FAT3: variants seen among roughly 807,000 people sequenced by gnomAD.
The protein encoded by FAT3 is FAT atypical cadherin 3.
In FAT3, 95 loss-of-function variants were observed where a neutral mutation model predicts 310.2. The observed-to-expected ratio is 0.31, with a 90% CI of 0.26 to 0.36. FAT3 has a LOEUF of 0.36. FAT3 is among the 10% of genes least tolerant of loss of function. FAT3 has a pLI of 1.00. For missense variants in FAT3, 5,408 were observed against 5,715.6 expected, an observed-to-expected ratio of 0.95 and a Z score of 1.74; for synonymous variants, 2,314 against 2,192.9, an observed-to-expected ratio of 1.06 and a Z score of -1.54.
At chr11:92,780,020 A>G (rs1424609221) in intron 7 of FAT3, among the ~76,000 whole-genome samples, 2 of 152,180 alleles carry the variant, frequency 1.3e-5, no homozygotes, top group Non-Finnish European at 2.9e-5. Flanking sequence ...AACAACCTGA[A>G]TGATTTTGGG....
chr11:92,275,173 G>A (rs1045444031), intron 1 of FAT3, among the ~76,000 whole-genome samples: 5 of 151,978 alleles, frequency 3.3e-5, no homozygotes, highest in African/African-American at 4.8e-5. Context: ...CTTTGTCACG[G>A]GTGCCATAAT....
chr11:92,330,743 A>T (rs533184707), intron 1 of FAT3, among the ~76,000 whole-genome samples: 1 of 152,328 alleles, frequency 6.6e-6, no homozygotes, highest in East Asian at 1.9e-4. Context: ...TTATTTGGGT[A>T]AATATTCATT....
intron 7 of FAT3, among the ~76,000 whole-genome samples, chr11:92,781,558 T>TTA (rs779184910): frequency 1.3e-5 from 2 of 152,110 alleles, no homozygotes; most frequent in Non-Finnish European, 2.9e-5. Flanking sequence ...TCCTACACAT[T>TTA]TATATATATG....
intron 1 of FAT3, among the ~76,000 whole-genome samples, chr11:92,305,741 A>G (rs1296381808): frequency 6.6e-6 from 1 of 152,142 alleles, no homozygotes; most frequent in Non-Finnish European, 1.5e-5. Flanking sequence ...AGTCTGCAAA[A>G]TTGCCAGCTA....
chr11:92,739,725 C>A (rs1159296604), intron 4 of FAT3, among the ~76,000 whole-genome samples: 3 of 152,168 alleles, frequency 2.0e-5, no homozygotes, highest in African/African-American at 7.2e-5. Flanking sequence ...CGTGAGTGTG[C>A]ACTGTGGTGT....
At chr11:92,864,993 T>C (rs1040381108) in intron 21 of FAT3, among the ~76,000 whole-genome samples, 1 of 152,170 alleles carries the variant, frequency 6.6e-6, no homozygotes, top group Non-Finnish European at 1.5e-5. Context: ...AAATAAGCCA[T>C]AGCAGTTCTC....
intron 2 of FAT3, chr11:92,400,293 T>C (rs1038195001): frequency 9.9e-5 from 15 of 152,186 alleles, no homozygotes; most frequent in African/African-American, 3.6e-4. Flanking sequence ...TGGCTGTAAA[T>C]AGCTGAGAGC....
At chr11:92,841,646 C>T (rs369884702) in intron 18 of FAT3, among the ~76,000 whole-genome samples, 27 of 152,340 alleles carry the variant, frequency 1.8e-4, no homozygotes, top group South Asian at 1.4e-3. Flanking sequence ...AAGAGCTTTT[C>T]AGTGCCTTCT....
chr11:92,458,254 T>C (rs1028075193), intron 2 of FAT3, among the ~76,000 whole-genome samples: 2 of 152,210 alleles, frequency 1.3e-5, no homozygotes, highest in Non-Finnish European at 2.9e-5. Flanking sequence ...GGCAGAACCA[T>C]GCAGGGCTAA....
At chr11:92,434,301 C>T (rs984667726) in intron 2 of FAT3, among the ~76,000 whole-genome samples, 4 of 152,150 alleles carry the variant, frequency 2.6e-5, no homozygotes, top group African/African-American at 7.2e-5. Flanking sequence ...CTCCCATGTA[C>T]AGCTGTTTAC....
chr11:92,445,487 T>C (rs1330366539), intron 2 of FAT3, among the ~76,000 whole-genome samples: 3 of 152,158 alleles, frequency 2.0e-5, no homozygotes, highest in Non-Finnish European at 4.4e-5. Context: ...CCATCCACTG[T>C]CTGGCTTGTT....
At chr11:92,844,821 T>C in intron 19 of FAT3, 89 bp downstream of exon 19, 1 of 1,335,896 alleles carries the variant, frequency 7.5e-7, no homozygotes. Flanking sequence ...ATTCAATCAT[T>C]CGTTCAACTA....
intron 2 of FAT3, among the ~76,000 whole-genome samples, chr11:92,455,537 A>G (rs971623891): frequency 1.3e-5 from 2 of 152,184 alleles, no homozygotes; most frequent in Admixed American, 1.3e-4. Flanking sequence ...AACACTGACA[A>G]TTGTCTGCTT....
chr11:92,283,036 T>G (rs1181522873), intron 1 of FAT3, among the ~76,000 whole-genome samples: 1 of 152,144 alleles, frequency 6.6e-6, no homozygotes, highest in Non-Finnish European at 1.5e-5. Context: ...AAACAGATAG[T>G]AGAGATGATT....
Position 92,867,966 on chromosome 11 carries a change from T to C in FAT3, c.12127+757T>C, listed in dbSNP as rs558659074. Reference sequence around the variant, plus strand: ...CTTTTGTTTGAGGGGAAAGCCAAGATTATTTAAGTCCTAGGAGTCTAGAGA... The same window carrying C: ...CTTTTGTTTGAGGGGAAAGCCAAGACTATTTAAGTCCTAGGAGTCTAGAGA... On this transcript the variant is annotated intron_variant, in intron 22 of 27. Transcript: ENST00000525166. Among the ~76,000 whole-genome samples the C allele has an allele frequency of 7.9e-5, 12 of 152,034 alleles. 1 individual carries two copies. The South Asian group carries it at 2.5e-3, about 32-fold the overall frequency.
rs1438410623 is a variant in FAT3 at position 92,894,263 on chromosome 11, A to G, written c.*3150A>G. On this transcript the variant is annotated 3_prime_UTR_variant, in exon 28 of 28. Transcript: ENST00000525166. ...CTGCTTTTGCCAAATGAATGTTTGT[A>G]TAATAGGGATGAAATGATAATTACA... 1 of 152,216 alleles carries G rather than the reference A, an allele frequency of 6.6e-6. No individual in the cohort carries two copies. Among genetic ancestry groups the G allele is most frequent in the Admixed American group, 6.5e-5 (1 of 15,276 alleles). The allele number at this position is 152,216 out of a possible 1,614,324, so 9.4% of individuals were successfully genotyped here. A position where few individuals can be genotyped will look rare whatever the true frequency, so the allele number is the denominator to read the frequency against.
chr11:92,478,992 CTTTGTTGTTG>C (rs1952140154), intron 2 of FAT3, among the ~76,000 whole-genome samples: 2 of 128,364 alleles, frequency 1.6e-5, no homozygotes. Flanking sequence ...CTTTTCTTTT[CTTTGTTGTTG>C]TTTTTTGTTT....
intron 2 of FAT3, among the ~76,000 whole-genome samples, chr11:92,380,512 A>G (rs1165030894): frequency 2.0e-5 from 3 of 152,180 alleles, no homozygotes; most frequent in Admixed American, 1.3e-4. Context: ...GGCGGTGCCC[A>G]TGTGTCCTTC....
At chr11:92,315,115 TA>T (rs1375313965) in intron 1 of FAT3, among the ~76,000 whole-genome samples, 1 of 151,652 alleles carries the variant, frequency 6.6e-6, no homozygotes, top group Non-Finnish European at 1.5e-5. Flanking sequence ...GCAAGGAGAA[TA>T]AAAATGATAA....
Sources: gnomAD v4.1 joint callset for allele counts (sites outside exome capture counted in the v4.1 genomes callset) on GRCh38, gnomAD v4.1.1 for gene constraint, MANE v1.5 for transcripts, NCBI Gene and HGNC (gene_info 2026-07-23, HGNC 2026-07-21) for gene names.